The following PATJ variants were observed in gnomAD, a reference collection of about 807,000 sequenced individuals.
PATJ encodes the protein PATJ crumbs cell polarity complex component.
Under a neutral mutation model 224.9 loss-of-function variants are expected in PATJ, and 190 were observed. That is an observed-to-expected ratio of 0.84 (90% CI 0.75 to 0.95). The LOEUF (loss-of-function observed/expected upper bound fraction) is 0.95, where lower values mean the gene tolerates loss of function less well. Among genes scored for constraint, PATJ ranks in the 40% least tolerant of loss-of-function variants. The pLI is 0.00. For synonymous variants in PATJ, 769 were observed against 820.3 expected (o/e 0.94, Z 1.07); for missense variants, 2,121 against 2,270.3 (o/e 0.93, Z 1.34).
At chr1:61,747,497 T>C (rs1275089475) in intron 1 of PATJ, among the ~76,000 whole-genome samples, 1 of 152,224 alleles carries the variant, frequency 6.6e-6, no homozygotes, top group East Asian at 1.9e-4. Flanking sequence ...TTGGCGAGGT[T>C]GAAAGAAAAG....
chr1:61,819,460 G>T (rs1199736302), intron 14 of PATJ, among the ~76,000 whole-genome samples: 2 of 152,096 alleles, frequency 1.3e-5, no homozygotes, highest in East Asian at 3.8e-4. Context: ...GGAGGGCAAA[G>T]ACTTCATCCT....
chr1:61,849,981 A>G (rs943091015), intron 17 of PATJ, among the ~76,000 whole-genome samples: 1 of 152,130 alleles, frequency 6.6e-6, no homozygotes, highest in African/African-American at 2.4e-5. Context: ...CCTCTTATTG[A>G]TGCATTTGCC....
intron 4 of PATJ, among the ~76,000 whole-genome samples, chr1:61,766,859 G>A (rs920650752): frequency 1.1e-4 from 16 of 152,112 alleles, no homozygotes; most frequent in Non-Finnish European, 1.8e-4. Context: ...TTCTGAGGCC[G>A]AGGAGGGTGG....
intron 20 of PATJ, among the ~76,000 whole-genome samples, chr1:61,871,774 G>A (rs1309779176): frequency 7.3e-5 from 11 of 151,074 alleles, no homozygotes; most frequent in Non-Finnish European, 1.6e-4. Context: ...ACATTGGCCA[G>A]GCTGGTCTCA....
intron 29 of PATJ, among the ~76,000 whole-genome samples, chr1:62,025,787 C>T (rs1056073343): frequency 6.6e-6 from 1 of 152,198 alleles, no homozygotes; most frequent in Non-Finnish European, 1.5e-5. Context: ...AGTGCCACTG[C>T]ACTCCACCCT....
chr1:61,857,389 G>A (rs529290932), intron 18 of PATJ, among the ~76,000 whole-genome samples: 4 of 152,322 alleles, frequency 2.6e-5, no homozygotes, highest in South Asian at 2.1e-4. Flanking sequence ...AGAGAATTGA[G>A]TAACTTACCC....
At chr1:61,755,308 CAAAA>C (rs570167460) in intron 1 of PATJ, among the ~76,000 whole-genome samples, 4 of 81,374 alleles carry the variant, frequency 4.9e-5, no homozygotes, top group Non-Finnish European at 7.7e-5. Flanking sequence ...GACTCTGTCT[CAAAA>C]AAAAAAAAAA....
Position 61,748,157 on chromosome 1 carries a change from G to A in PATJ, c.-36+5602G>A, listed in dbSNP as rs547888026. Among the ~76,000 whole-genome samples, 9 of 149,140 alleles carry A rather than the reference G, an allele frequency of 6.0e-5. No individual in the cohort carries two copies. The South Asian group carries it at 2.0e-3, about 33-fold the overall frequency. On this transcript the variant is annotated intron_variant, in intron 1 of 43. Coordinates refer to ENST00000642238, the MANE Select transcript of PATJ (RefSeq NM_001350145.3). ...GCCTCCCAAAGTGCTGGAATTACAA[G>A]TGTGAGCCACTGATCTGAATATGTT...
At chr1:61,811,386 G>A (rs112384114) in intron 14 of PATJ, among the ~76,000 whole-genome samples, 3 of 151,906 alleles carry the variant, frequency 2.0e-5, no homozygotes, top group Admixed American at 6.6e-5. Context: ...CCACCACCAC[G>A]CCTGGCTAAT....
chr1:62,125,264 C>CAAAAAAAAA (rs1284483252), intron 39 of PATJ, among the ~76,000 whole-genome samples: 2 of 64,198 alleles, frequency 3.1e-5, no homozygotes, highest in Admixed American at 1.7e-4. Flanking sequence ...CAAAAAAAAA[C>CAAAAAAAAA]AAAAAAAAAA....
chr1:62,083,311 G>C (rs1457198517), intron 32 of PATJ, among the ~76,000 whole-genome samples: 1 of 152,112 alleles, frequency 6.6e-6, no homozygotes, highest in African/African-American at 2.4e-5. Flanking sequence ...TAGTAGAGAC[G>C]AGGTTTCACT....
At chr1:62,076,041 T>TA (rs368134676) in intron 31 of PATJ, among the ~76,000 whole-genome samples, 12 of 152,120 alleles carry the variant, frequency 7.9e-5, no homozygotes, top group African/African-American at 1.7e-4. Flanking sequence ...TAGAGAGCTT[T>TA]AAAAAAAATC....
chr1:61,742,901 C>T (rs561528453), intron 1 of PATJ, among the ~76,000 whole-genome samples: 162 of 152,136 alleles, frequency 1.1e-3, no homozygotes, highest in Middle Eastern at 0.01. Context: ...GGGCGCCGCC[C>T]CGCCTCCCCA....
intron 31 of PATJ, among the ~76,000 whole-genome samples, chr1:62,070,458 G>T (rs925612887): frequency 6.6e-6 from 1 of 152,110 alleles, no homozygotes; most frequent in African/African-American, 2.4e-5. Context: ...ACTTTATAAA[G>T]CCCATATTCT....
chr1:61,977,140 T>C (rs758217187), intron 27 of PATJ, among the ~76,000 whole-genome samples: 68 of 152,132 alleles, frequency 4.5e-4, no homozygotes, highest in Non-Finnish European at 4.7e-4. Flanking sequence ...CGGGCTGGAG[T>C]GTAGTGGCGT....
In PATJ at chr1:62,073,140, C is replaced by T. The variant is rs1008456145; in HGVS notation, c.4126-6310C>T. The T allele has an allele frequency of 1.0e-5, 10 of 985,238 alleles. No individual in the cohort carries two copies. In the South Asian group the frequency reaches 1.4e-4, roughly 14 times the overall value. The allele number at this position is 985,238 out of a possible 1,614,324, so 61.0% of individuals were successfully genotyped here. Reference sequence around the variant, plus strand: ...GGTTTTGCTCTTCTGGGGTTGCGTGCGTTATAGACCGGGTTCCAAAAGAAA... The same window carrying T: ...GGTTTTGCTCTTCTGGGGTTGCGTGTGTTATAGACCGGGTTCCAAAAGAAA... On this transcript the variant is annotated intron_variant, in intron 31 of 43. Coordinates refer to ENST00000642238, the MANE Select transcript of PATJ (RefSeq NM_001350145.3).
At chr1:61,769,229 G>A (rs757157915) in intron 4 of PATJ, 54 bp from the exon 5 acceptor site, 111 of 1,561,712 alleles carry the variant, frequency 7.1e-5, no homozygotes, top group Non-Finnish European at 9.1e-5. Flanking sequence ...TGCAGACAGA[G>A]TATGTTGGCT....
At chr1:61,911,699 A>ATT (rs564068026) in intron 25 of PATJ, among the ~76,000 whole-genome samples, 1 of 122,894 alleles carries the variant, frequency 8.1e-6, no homozygotes, top group Non-Finnish European at 1.6e-5. Context: ...ATATTTTTAT[A>ATT]TATATATATA....
At chr1:61,759,779 C>G (rs1034796323) in intron 1 of PATJ, among the ~76,000 whole-genome samples, 2 of 152,200 alleles carry the variant, frequency 1.3e-5, no homozygotes, top group Admixed American at 1.3e-4. Context: ...CTTGCACACA[C>G]ATCTTTGTCC....
Sources: gnomAD v4.1 joint callset for allele counts (sites outside exome capture counted in the v4.1 genomes callset) on GRCh38, gnomAD v4.1.1 for gene constraint, MANE v1.5 for transcripts, NCBI Gene and HGNC (gene_info 2026-07-23, HGNC 2026-07-21) for gene names.